The following ARHGAP25 variants were observed in gnomAD, a reference collection of about 807,000 sequenced individuals.
ARHGAP25 encodes the protein rho GTPase-activating protein 25.
ARHGAP25 carries 34 observed loss-of-function variants against 71.0 expected under a neutral mutation model. The ratio of observed to expected loss-of-function variants is 0.48; its 90% CI spans 0.36 to 0.64. The LOEUF is 0.64. Ranked by LOEUF, ARHGAP25 falls within the 30% of genes least tolerant of loss-of-function variation. ARHGAP25 has a pLI of 0.00. For missense variants in ARHGAP25, 706 were observed against 805.1 expected (o/e 0.88, Z 1.49); for synonymous variants, 282 against 296.5 (o/e 0.95, Z 0.50).
intron 4 of ARHGAP25, among the ~76,000 whole-genome samples, chr2:68,806,647 G>T (rs75417872): frequency 6.6e-6 from 1 of 152,346 alleles, no homozygotes; most frequent in Non-Finnish European, 1.5e-5. Context: ...GACCGCGAGA[G>T]ATTTCATCAT....
intron 1 of ARHGAP25, among the ~76,000 whole-genome samples, chr2:68,738,616 C>T (rs1213113541): frequency 2.6e-5 from 4 of 151,866 alleles, no homozygotes; most frequent in Non-Finnish European, 4.4e-5. Context: ...TAAAGGTCCC[C>T]GATAGATAAA....
chr2:68,734,381 T>C (rs1675107093), upstream of ARHGAP25, among the ~76,000 whole-genome samples: 1 of 152,190 alleles, frequency 6.6e-6, no homozygotes, highest in Non-Finnish European at 1.5e-5. Context: ...CTTAAGTTGC[T>C]TCATTAAGCC....
chr2:68,720,332 AAG>A (rs1491007949), intron 2 of ARHGAP25, among the ~76,000 whole-genome samples: 1 of 149,780 alleles, frequency 6.7e-6, no homozygotes, highest in Admixed American at 6.6e-5. Flanking sequence ...AAAAAAAAAA[AAG>A]AAAAGAAAAG....
At position 68,754,593 on chromosome 2, in the gene ARHGAP25, A is replaced by G. The variant is rs147154690; in HGVS notation, c.61+19333A>G. 8.6e-3 allele frequency among the ~76,000 whole-genome samples: 1,311 copies of G among 152,306 alleles called. 19 individuals carry two copies. The highest frequency in any genetic ancestry group is 0.03 in the African/African-American group (1,244 of 41,558). ...ATAACGTTTTATCTCTTTTGGGTAAATATTGAGGAGTGCTACTGCTGGATC... is the reference window on the plus strand; with the variant it reads ...ATAACGTTTTATCTCTTTTGGGTAAGTATTGAGGAGTGCTACTGCTGGATC... On this transcript the variant is annotated intron_variant, in intron 1 of 10. Coordinates refer to ENST00000409202, the MANE Select transcript of ARHGAP25 (RefSeq NM_001007231.3).
intron 4 of ARHGAP25, among the ~76,000 whole-genome samples, chr2:68,798,835 C>G (rs1387921060): frequency 2.0e-5 from 3 of 151,986 alleles, no homozygotes; most frequent in Admixed American, 6.5e-5. Context: ...AGAACAGGCT[C>G]TGGAGTGAGG....
intron 3 of ARHGAP25, among the ~76,000 whole-genome samples, chr2:68,784,867 A>G (rs183176912): frequency 6.6e-6 from 1 of 152,204 alleles, no homozygotes. Context: ...GGAAAATTAA[A>G]CCAAAGAGAG....
At chr2:68,758,263 C>T (rs1038683069) in intron 1 of ARHGAP25, among the ~76,000 whole-genome samples, 5 of 151,798 alleles carry the variant, frequency 3.3e-5, no homozygotes, top group Admixed American at 6.6e-5. Context: ...TGCTGCTTGC[C>T]AGTAATTACA....
At chr2:68,770,532 T>C (rs188885538) in intron 1 of ARHGAP25, among the ~76,000 whole-genome samples, 1 of 152,296 alleles carries the variant, frequency 6.6e-6, no homozygotes, top group Non-Finnish European at 1.5e-5. Flanking sequence ...AGAAAGGAAG[T>C]GATAACGTTT....
At chr2:68,816,717 G>C in intron 7 of ARHGAP25, 1 of 196,002 alleles carries the variant, frequency 5.1e-6, no homozygotes, top group Non-Finnish European at 1.1e-5. Flanking sequence ...GGGCCACCCT[G>C]GTTATTTTCC....
chr2:68,750,007 TA>T (rs1410419652), intron 1 of ARHGAP25, among the ~76,000 whole-genome samples: 3 of 152,156 alleles, frequency 2.0e-5, no homozygotes, highest in Non-Finnish European at 2.9e-5. Flanking sequence ...GGCCCTTTTT[TA>T]AATTTTATTT....
At chr2:68,775,746 T>C in intron 2 of ARHGAP25, 1 of 522,298 alleles carries the variant, frequency 1.9e-6, no homozygotes, top group Non-Finnish European at 3.7e-6. Flanking sequence ...GAAAACCGAT[T>C]TTGGGACTCA....
At chr2:68,797,239 G>A (rs987774735) in intron 4 of ARHGAP25, among the ~76,000 whole-genome samples, 2 of 152,162 alleles carry the variant, frequency 1.3e-5, no homozygotes, top group Admixed American at 6.5e-5. Context: ...AAGTCCTTAG[G>A]CCGCTTGTGA....
chr2:68,781,888 C>T (rs968070631), intron 2 of ARHGAP25, among the ~76,000 whole-genome samples: 3 of 152,180 alleles, frequency 2.0e-5, no homozygotes, highest in African/African-American at 7.2e-5. Context: ...TCTCCACAGC[C>T]TCAGCATTGC....
chr2:68,765,505 A>G lies in ARHGAP25; in HGVS notation c.62-9716A>G, dbSNP rs542517023. Among the ~76,000 whole-genome samples the G allele has an allele frequency of 2.0e-4, 30 of 152,368 alleles. 1 individual carries two copies. The South Asian group carries it at 5.2e-3, about 26-fold the overall frequency. On this transcript the variant is annotated intron_variant, in intron 1 of 10. Coordinates refer to ENST00000409202, the MANE Select transcript of ARHGAP25 (RefSeq NM_001007231.3). ...TGTAGACCCACTACTGAAGTTCAAC[A>G]GAATATTTCGTCACATTGTTTTATC...
intron 2 of ARHGAP25, among the ~76,000 whole-genome samples, chr2:68,780,362 A>G (rs1288484405): frequency 6.6e-6 from 1 of 152,224 alleles, no homozygotes; most frequent in Non-Finnish European, 1.5e-5. Flanking sequence ...CTTACCAGAC[A>G]GTGCTCCATC....
intron 1 of ARHGAP25, among the ~76,000 whole-genome samples, chr2:68,774,361 A>G (rs918242280): frequency 6.6e-6 from 1 of 152,198 alleles, no homozygotes; most frequent in Non-Finnish European, 1.5e-5. Context: ...ATGTGGAGGT[A>G]CAGGCTGGAC....
At chr2:68,736,848 C>A (rs1193251926) in intron 1 of ARHGAP25, among the ~76,000 whole-genome samples, 2 of 152,000 alleles carry the variant, frequency 1.3e-5, no homozygotes, top group African/African-American at 4.8e-5. Context: ...TTGACAAGCA[C>A]CCCCCACTTT....
intron 1 of ARHGAP25, among the ~76,000 whole-genome samples, chr2:68,739,600 G>A (rs1675412170): frequency 6.6e-6 from 1 of 152,178 alleles, no homozygotes. Flanking sequence ...CCAGTCGAGT[G>A]GTCTGAACTT....
At chr2:68,779,320 A>G (rs1185574131) in intron 2 of ARHGAP25, among the ~76,000 whole-genome samples, 4 of 152,230 alleles carry the variant, frequency 2.6e-5, no homozygotes, top group Non-Finnish European at 4.4e-5. Flanking sequence ...ACCACATTAT[A>G]TAGGATTTCC....
Sources: allele counts gnomAD v4.1 joint callset (sites outside exome capture counted in the v4.1 genomes callset), GRCh38; gene constraint gnomAD v4.1.1; transcripts MANE v1.5; gene names NCBI Gene and HGNC (gene_info 2026-07-23, HGNC 2026-07-21).